The following MARK2 variants were observed in gnomAD, a reference collection of about 807,000 sequenced individuals.
MARK2 encodes microtubule affinity regulating kinase 2.
In MARK2, 16 loss-of-function variants were observed where a neutral mutation model predicts 89.8. The observed-to-expected ratio is 0.18, with a 90% CI of 0.12 to 0.27. The LOEUF (loss-of-function observed/expected upper bound fraction) is 0.27, where lower values mean the gene tolerates loss of function less well. Ranked by LOEUF, MARK2 falls within the 10% of genes least tolerant of loss-of-function variation. The pLI, the probability that MARK2 is intolerant of heterozygous loss-of-function variation, is 1.00. For missense variants in MARK2, 621 were observed against 1,049.9 expected (o/e 0.59, Z 5.65); for synonymous variants, 382 against 399.5 (o/e 0.96, Z 0.52).
At chr11:63,859,650 G>C (rs1369141078) in intron 1 of MARK2, among the ~76,000 whole-genome samples, 1 of 146,698 alleles carries the variant, frequency 6.8e-6, no homozygotes, top group Non-Finnish European at 1.5e-5. Flanking sequence ...TTTTTTTTTC[G>C]AGACAGAGTC....
intron 17 of MARK2, among the ~76,000 whole-genome samples, chr11:63,907,358 C>T (rs142783396): frequency 2.0e-5 from 3 of 152,338 alleles, no homozygotes; most frequent in Non-Finnish European, 2.9e-5. Flanking sequence ...CTCGCACAGC[C>T]GGGCTCCCTG....
At chr11:63,906,922 C>T (rs957824487) in intron 17 of MARK2, among the ~76,000 whole-genome samples, 6 of 151,494 alleles carry the variant, frequency 4.0e-5, no homozygotes, top group South Asian at 2.1e-4. Flanking sequence ...TTCCAAAGTG[C>T]GGGGAGCTGG....
chr11:63,865,112 A>G (rs1938055804), intron 1 of MARK2, among the ~76,000 whole-genome samples: 1 of 152,042 alleles, frequency 6.6e-6, no homozygotes, highest in Non-Finnish European at 1.5e-5. Flanking sequence ...GCTGGCCTGG[A>G]ACTCCTGGCG....
At chr11:63,842,179 A>T (rs865856322) in intron 1 of MARK2, among the ~76,000 whole-genome samples, 6 of 151,732 alleles carry the variant, frequency 4.0e-5, no homozygotes, top group Middle Eastern at 3.4e-3. Context: ...GACTTTGGAA[A>T]ACCTTGGATG....
intron 1 of MARK2, among the ~76,000 whole-genome samples, chr11:63,862,156 A>G (rs1393645294): frequency 6.6e-6 from 1 of 150,658 alleles, no homozygotes; most frequent in African/African-American, 2.4e-5. Flanking sequence ...AACTCCGGAC[A>G]TCAGGTGATC....
In MARK2 at chr11:63,903,974, T is replaced by G. The variant is rs1941111902; in HGVS notation, c.1515-12T>G. On this transcript the variant is annotated splice_polypyrimidine_tract_variant and intron_variant, in intron 14 of 18. Transcript: ENST00000402010. This position sits in a 1 kb window ranked among gnomAD's most constrained non-coding sequence, Gnocchi z 5.1. ...CCCTAACACGGGCCTCTCCGCTGCT[T>G]TTGTTTCCTAGCCTAACCATGCCAG... 1 of 1,592,880 alleles carries G rather than the reference T, an allele frequency of 6.3e-7. No individual in the cohort carries two copies. The highest frequency in any genetic ancestry group is 1.4e-5 in the African/African-American group (1 of 73,880).
At chr11:63,886,958 G>T (rs1049035660) in intron 1 of MARK2, among the ~76,000 whole-genome samples, 3 of 152,254 alleles carry the variant, frequency 2.0e-5, no homozygotes, top group Admixed American at 1.3e-4. Flanking sequence ...GGGCCGGAGG[G>T]CCCGGGCAAG....
rs1941067441 is a variant in MARK2, at chr11:63,903,466, G to A, written c.1514+308G>A. ...CCCTCCTCTAGACATGAGCAGCTAA[G>A]GCCTTGTGTTGGGGGTCCCAGCTCA... On this transcript the variant is annotated intron_variant, in intron 14 of 18. Transcript: ENST00000402010. The surrounding 1 kb of genome is among the most constrained non-coding windows in gnomAD (Gnocchi z 5.1). The A allele has an allele frequency of 2.4e-6, 1 of 418,498 alleles. No homozygotes were observed. Among genetic ancestry groups the A allele is most frequent in the Non-Finnish European group, 4.4e-6 (1 of 224,780 alleles). 25.9% of individuals were successfully genotyped at this position (418,498 alleles called of 1,614,324 possible). A position where few individuals can be genotyped will look rare whatever the true frequency, so the allele number is the denominator to read the frequency against.
chr11:63,867,279 C>T (rs910814771), intron 1 of MARK2, among the ~76,000 whole-genome samples: 7 of 152,244 alleles, frequency 4.6e-5, no homozygotes, highest in African/African-American at 1.4e-4. Flanking sequence ...CCGCCTGCCT[C>T]AGCCTCCTGA....
In MARK2 at chr11:63,900,872, G is replaced by A. The variant is rs1269093109; in HGVS notation, c.981G>A (p.Arg327=). 5 of 1,614,068 alleles carry A rather than the reference G, an allele frequency of 3.1e-6. No individual in the cohort carries two copies. Among genetic ancestry groups the A allele is most frequent in the South Asian group, 2.2e-5 (2 of 91,082 alleles). Residue 327 remains arginine (R), a synonymous_variant, in exon 10 of 19, where the codon CGG becomes CGA. Transcript: ENST00000402010. This position sits in a 1 kb window ranked among gnomAD's most constrained non-coding sequence, Gnocchi z 4.7. ...VEPLPDYKDP[R]RTELMVSMGY... is the part of the protein sequence containing the mutation. ...CACTCCCTGACTACAAGGACCCCCG[G>A]CGGACAGGTGAGGCTGTGCCGGGCT...
chr11:63,860,702 CA>C (rs546166980), intron 1 of MARK2, among the ~76,000 whole-genome samples: 435 of 151,720 alleles, frequency 2.9e-3, no homozygotes, highest in African/African-American at 1.0e-2. Flanking sequence ...ACTTAAAATA[CA>C]AAAAATTAGC....
chr11:63,840,138 G>C (rs80215076), intron 1 of MARK2, among the ~76,000 whole-genome samples: 433 of 152,192 alleles, frequency 2.8e-3, no homozygotes, highest in African/African-American at 9.9e-3. Flanking sequence ...CCTCTTGCTT[G>C]CAACCCACCA....
At chr11:63,868,473 A>G (rs752048012) in intron 1 of MARK2, 11 of 248,748 alleles carry the variant, frequency 4.4e-5, no homozygotes, top group Non-Finnish European at 8.2e-5. Context: ...CTTAACCAGT[A>G]TCTTAAGTAG....
chr11:63,856,359 T>C (rs1292353187), intron 1 of MARK2, among the ~76,000 whole-genome samples: 1 of 149,928 alleles, frequency 6.7e-6, no homozygotes, highest in African/African-American at 2.4e-5. Context: ...TTGTTTATTC[T>C]TTTTCTCCCC....
Position 63,900,873 on chromosome 11 carries a change from C to T in MARK2, c.982C>T (p.Arg328Trp), listed in dbSNP as rs761380187. The T allele has an allele frequency of 8.1e-6, 13 of 1,613,978 alleles. No individual in the cohort carries two copies. Among genetic ancestry groups the T allele is most frequent in the Admixed American group, 3.3e-5 (2 of 60,012 alleles). ...ACTCCCTGACTACAAGGACCCCCGG[C>T]GGACAGGTGAGGCTGTGCCGGGCTG... ...EPLPDYKDPR[R>W]TELMVSMGYT... The change falls in exon 10 of 19, where the codon CGG (arginine) becomes TGG (tryptophan). Residue 328 changes from arginine (R) to tryptophan (W), a missense_variant. By Grantham distance (101) the Arg-to-Trp change is moderately radical. Coordinates refer to ENST00000402010, the MANE Select transcript of MARK2 (RefSeq NM_001039469.3). This position sits in a 1 kb window ranked among gnomAD's most constrained non-coding sequence, Gnocchi z 4.7.
At chr11:63,873,171 C>A (rs1052643971) in intron 1 of MARK2, among the ~76,000 whole-genome samples, 6 of 152,096 alleles carry the variant, frequency 3.9e-5, no homozygotes, top group Non-Finnish European at 8.8e-5. Context: ...TCTCTAATAG[C>A]TTGGGAAATG....
At chr11:63,883,878 C>A (rs144151050) in intron 1 of MARK2, among the ~76,000 whole-genome samples, 4 of 152,174 alleles carry the variant, frequency 2.6e-5, no homozygotes, top group Non-Finnish European at 5.9e-5. Flanking sequence ...TAAGCCACCA[C>A]GCCCGGCCAG....
At chr11:63,851,617 T>C (rs992916566) in intron 1 of MARK2, among the ~76,000 whole-genome samples, 7 of 152,172 alleles carry the variant, frequency 4.6e-5, no homozygotes, top group Non-Finnish European at 1.0e-4. Flanking sequence ...CCCTAACCTG[T>C]TTCTGTGCCC....
At position 63,904,426 on chromosome 11, in the gene MARK2, G is replaced by A. The variant is rs1371102353; in HGVS notation, c.1676+279G>A. On this transcript the variant is annotated intron_variant, in intron 15 of 18. Transcript: ENST00000402010. This position sits in a 1 kb window ranked among gnomAD's most constrained non-coding sequence, Gnocchi z 6.3. ...CTGAACCTTCCAGGGTTTCCTTAGGGACCCCGGGGATAGTCGGCATCACAG... is the reference window on the plus strand; with the variant it reads ...CTGAACCTTCCAGGGTTTCCTTAGGAACCCCGGGGATAGTCGGCATCACAG... Among the ~76,000 whole-genome samples the A allele has an allele frequency of 6.6e-6, 1 of 152,098 alleles. No individual in the cohort carries two copies.
Sources: allele counts gnomAD v4.1 joint callset (sites outside exome capture counted in the v4.1 genomes callset), GRCh38; gene constraint gnomAD v4.1.1; non-coding constraint Gnocchi (gnomAD v3.1); transcripts MANE v1.5; gene names NCBI Gene and HGNC (gene_info 2026-07-23, HGNC 2026-07-21).